TTC33: variants seen among roughly 807,000 people sequenced by gnomAD.
TTC33 encodes the protein tetratricopeptide repeat protein 33.
TTC33 carries 24 observed loss-of-function variants against 29.4 expected under a neutral mutation model. That is an observed-to-expected ratio of 0.82 (90% CI 0.59 to 1.15). TTC33 has a LOEUF of 1.15. TTC33 is among the 50% of genes most tolerant of loss of function. The pLI is 0.00. For synonymous variants in TTC33, 107 were observed against 100.3 expected (o/e 1.07, Z -0.40); for missense variants, 286 against 310.4 (o/e 0.92, Z 0.59).
intron 4 of TTC33, among the ~76,000 whole-genome samples, chr5:40,719,535 AC>A (rs1435320194): frequency 6.6e-6 from 1 of 152,192 alleles, no homozygotes; most frequent in African/African-American, 2.4e-5. Flanking sequence ...TTTTGTGTGG[AC>A]ATATGTCTTC....
At chr5:40,728,725 G>T (rs565756720) in intron 3 of TTC33, among the ~76,000 whole-genome samples, 6 of 152,220 alleles carry the variant, frequency 3.9e-5, no homozygotes, top group African/African-American at 1.4e-4. Flanking sequence ...TCAAAACCAA[G>T]TGGTCATATC....
At chr5:40,731,545 C>CA (rs1192673518) in intron 2 of TTC33, among the ~76,000 whole-genome samples, 1 of 152,202 alleles carries the variant, frequency 6.6e-6, no homozygotes, top group Non-Finnish European at 1.5e-5. Flanking sequence ...CACATGGAGG[C>CA]ACGAGAGAGA....
intron 3 of TTC33, 31 bp downstream of exon 3, chr5:40,730,231 T>C: frequency 6.5e-7 from 1 of 1,539,094 alleles, no homozygotes. Context: ...CACAATTTCA[T>C]AAGGAAAGTG....
intron 3 of TTC33, among the ~76,000 whole-genome samples, chr5:40,729,375 T>C (rs1742370694): frequency 6.6e-6 from 1 of 152,226 alleles, no homozygotes; most frequent in African/African-American, 2.4e-5. Flanking sequence ...GCCAAAAATA[T>C]GTTTAATGCT....
intron 4 of TTC33, among the ~76,000 whole-genome samples, chr5:40,723,507 CAAATTAA>C (rs1256661084): frequency 4.5e-4 from 44 of 98,088 alleles, no homozygotes; most frequent in African/African-American, 1.5e-3. Flanking sequence ...AAAGCTAACT[CAAATTAA>C]AAAAAAAAAA....
intron 4 of TTC33, among the ~76,000 whole-genome samples, chr5:40,724,587 C>T (rs750720861): frequency 2.0e-5 from 3 of 150,568 alleles, no homozygotes; most frequent in African/African-American, 4.9e-5. Context: ...GAGCCGAGAT[C>T]ACACCAGTGC....
rs1396343575 is a variant in TTC33, at chr5:40,715,156, G to A, written c.*989C>T. 2 of 151,850 alleles carry A rather than the reference G, an allele frequency of 1.3e-5. No homozygotes were observed. Among genetic ancestry groups the A allele is most frequent in the Admixed American group, 6.6e-5 (1 of 15,252 alleles). The allele number at this position is 151,850 out of a possible 1,614,324, so 9.4% of individuals were successfully genotyped here. A position where few individuals can be genotyped will look rare whatever the true frequency, so the allele number is the denominator to read the frequency against. ...AGCCCTACTTTTTTATTTTTAGAAA[G>A]ATATAATTAGCTATTTAAAATTGTA... On this transcript the variant is annotated 3_prime_UTR_variant, in exon 5 of 5. Transcript: ENST00000337702.
At chr5:40,751,774 T>A (rs770325345) in intron 1 of TTC33, among the ~76,000 whole-genome samples, 6 of 152,164 alleles carry the variant, frequency 3.9e-5, no homozygotes, top group Admixed American at 1.3e-4. Flanking sequence ...CTGGCCAACA[T>A]GGTGAAGCCC....
rs191366880 is a variant in TTC33, at chr5:40,720,295, C to T, written c.436-3797G>A. 4.5e-4 allele frequency among the ~76,000 whole-genome samples: 69 copies of T among 152,278 alleles called. 1 individual carries two copies. The highest frequency in any genetic ancestry group is 3.9e-3 in the Admixed American group (60 of 15,282). ...TATCCAACTGCCTCAGCACCATTTG[C>T]TGAAGACTATTCCTTCCCCCATTAA... On this transcript the variant is annotated intron_variant, in intron 4 of 4. Coordinates refer to ENST00000337702, the MANE Select transcript of TTC33 (RefSeq NM_012382.3).
At chr5:40,736,359 ATACTTTCCT>A (rs774319151) in intron 2 of TTC33, among the ~76,000 whole-genome samples, 5 of 152,222 alleles carry the variant, frequency 3.3e-5, no homozygotes, top group Admixed American at 6.5e-5. Flanking sequence ...ATTAGTAGGT[ATACTTTCCT>A]AGACAAGAAC....
intron 1 of TTC33, among the ~76,000 whole-genome samples, chr5:40,751,025 C>T (rs1404190249): frequency 6.6e-6 from 1 of 152,196 alleles, no homozygotes; most frequent in Non-Finnish European, 1.5e-5. Context: ...TTCCAAATTC[C>T]TGTTAATGTT....
chr5:40,720,386 A>G (rs1349172051), intron 4 of TTC33, among the ~76,000 whole-genome samples: 3 of 152,184 alleles, frequency 2.0e-5, no homozygotes, highest in African/African-American at 7.2e-5. Flanking sequence ...TTTCAGTTCT[A>G]TCCCACTGAT....
chr5:40,736,408 C>G (rs1212097396), intron 2 of TTC33, among the ~76,000 whole-genome samples: 1 of 152,126 alleles, frequency 6.6e-6, no homozygotes, highest in Non-Finnish European at 1.5e-5. Context: ...AATTTATATT[C>G]CTGCTTCATA....
intron 2 of TTC33, among the ~76,000 whole-genome samples, chr5:40,738,949 C>A (rs1742632889): frequency 6.6e-6 from 1 of 152,158 alleles, no homozygotes; most frequent in Non-Finnish European, 1.5e-5. Flanking sequence ...GGAAACAAGT[C>A]CTACGTCAGA....
intron 2 of TTC33, among the ~76,000 whole-genome samples, chr5:40,746,442 A>G (rs948027427): frequency 1.3e-5 from 2 of 152,204 alleles, no homozygotes; most frequent in East Asian, 3.9e-4. Flanking sequence ...TACCTGATAC[A>G]TAATGTTATA....
chr5:40,715,535 G>A lies in TTC33; in HGVS notation c.*610C>T, dbSNP rs1227807015. 1 of 152,274 alleles carries A rather than the reference G, an allele frequency of 6.6e-6. No individual in the cohort carries two copies. Among genetic ancestry groups the A allele is most frequent in the Non-Finnish European group, 1.5e-5 (1 of 68,002 alleles). The allele number at this position is 152,274 out of a possible 1,614,324, so 9.4% of individuals were successfully genotyped here. ...CAACTATCATTGTTACAACTTCAAA[G>A]TCAAAACAGAAACACAAATCAGAAT... is the stretch of plus-strand genomic sequence containing the variant. On this transcript the variant is annotated 3_prime_UTR_variant, in exon 5 of 5. Transcript: ENST00000337702.
rs1264810327 is a variant in TTC33 at position 40,715,059 on chromosome 5, T to A, written c.*1086A>T. ...TATAGCCTTTTCATACTCATGAGATTGTACTATAAATCACATTCCAATTTC... is the reference window on the plus strand; with the variant it reads ...TATAGCCTTTTCATACTCATGAGATAGTACTATAAATCACATTCCAATTTC... On this transcript the variant is annotated 3_prime_UTR_variant, in exon 5 of 5. Coordinates refer to ENST00000337702, the MANE Select transcript of TTC33 (RefSeq NM_012382.3). The A allele has an allele frequency of 1.3e-5, 2 of 152,134 alleles. No homozygotes were observed. Among genetic ancestry groups the A allele is most frequent in the Non-Finnish European group, 2.9e-5 (2 of 67,960 alleles). The allele number at this position is 152,134 out of a possible 1,614,324, so 9.4% of individuals were successfully genotyped here.
chr5:40,729,833 G>C (rs1742381458), intron 3 of TTC33, among the ~76,000 whole-genome samples: 1 of 152,098 alleles, frequency 6.6e-6, no homozygotes. Flanking sequence ...CAAGTAGCTG[G>C]GACTACAGGC....
intron 4 of TTC33, among the ~76,000 whole-genome samples, chr5:40,721,842 A>C (rs1290417121): frequency 6.6e-6 from 1 of 152,254 alleles, no homozygotes; most frequent in Non-Finnish European, 1.5e-5. Context: ...CAAAGGAAAC[A>C]ACCACCAGAG....
Sources: allele counts gnomAD v4.1 joint callset (sites outside exome capture counted in the v4.1 genomes callset), GRCh38; gene constraint gnomAD v4.1.1; transcripts MANE v1.5; gene names NCBI Gene and HGNC (gene_info 2026-07-23, HGNC 2026-07-21).